KAZN: variants seen among roughly 807,000 people sequenced by gnomAD.
KAZN encodes kazrin, periplakin interacting protein, also known as kazrin.
In KAZN, 40 loss-of-function variants were observed where a neutral mutation model predicts 87.4. The observed-to-expected ratio is 0.46, with a 90% CI of 0.36 to 0.60. The LOEUF (loss-of-function observed/expected upper bound fraction) is 0.60. KAZN is among the 20% of genes least tolerant of loss of function. The pLI is 0.00. For synonymous variants in KAZN, 466 were observed against 458.3 expected (o/e 1.02, Z -0.22); for missense variants, 898 against 1,073.9 (o/e 0.84, Z 2.29).
chr1:13,971,396 G>A (rs1285004696), intron 1 of KAZN, among the ~76,000 whole-genome samples: 3 of 152,112 alleles, frequency 2.0e-5, no homozygotes, highest in Non-Finnish European at 2.9e-5. Context: ...ACAGCTCAAC[G>A]GGCATTGAAT....
intron 1 of KAZN, among the ~76,000 whole-genome samples, chr1:13,965,576 G>A (rs896011292): frequency 1.3e-5 from 2 of 152,080 alleles, no homozygotes; most frequent in African/African-American, 4.8e-5. Context: ...GTATTTATTC[G>A]CATTGCTATT....
intron 8 of KAZN, among the ~76,000 whole-genome samples, chr1:15,092,072 G>GTTTTTTTTTTTTTTT (rs1557791969): frequency 3.8e-5 from 3 of 79,872 alleles, no homozygotes; most frequent in African/African-American, 1.2e-4. Context: ...TTTTTTTTTT[G>GTTTTTTTTTTTTTTT]ATTTTTTTTT....
chr1:13,923,587 A>AG (rs747618846), intron 1 of KAZN, among the ~76,000 whole-genome samples: 3,420 of 148,570 alleles, frequency 0.023, 145 homozygotes, highest in East Asian at 0.15. Context: ...AAAAAAAAAA[A>AG]AAAAATATAA....
intron 2 of KAZN, among the ~76,000 whole-genome samples, chr1:14,202,670 A>G (rs963968894): frequency 4.6e-5 from 7 of 152,188 alleles, no homozygotes; most frequent in African/African-American, 1.4e-4. Flanking sequence ...GAAAGGAGGC[A>G]GCTAGTATTC....
At chr1:14,545,653 G>A (rs116260396) in intron 2 of KAZN, among the ~76,000 whole-genome samples, 44 of 152,176 alleles carry the variant, frequency 2.9e-4, no homozygotes, top group African/African-American at 8.0e-4. Context: ...CAAAAGAGCC[G>A]AGATCTCAGT....
intron 2 of KAZN, among the ~76,000 whole-genome samples, chr1:14,589,442 C>T (rs939139820): frequency 6.6e-6 from 1 of 152,154 alleles, no homozygotes; most frequent in Admixed American, 6.5e-5. Flanking sequence ...AACAAAATAT[C>T]TCCCTTCCAA....
intron 1 of KAZN, among the ~76,000 whole-genome samples, chr1:13,933,174 T>C (rs960991106): frequency 6.6e-5 from 10 of 152,148 alleles, no homozygotes; most frequent in Admixed American, 4.6e-4. Context: ...TTTAGGTCCC[T>C]TCATTGTATT....
intron 1 of KAZN, among the ~76,000 whole-genome samples, chr1:13,935,665 A>G (rs1411639428): frequency 1.3e-5 from 2 of 152,212 alleles, no homozygotes; most frequent in Non-Finnish European, 2.9e-5. Flanking sequence ...ACACATGTGT[A>G]GTTGCATCTT....
chr1:13,911,472 T>A (rs1639649841), intron 1 of KAZN, among the ~76,000 whole-genome samples: 1 of 152,170 alleles, frequency 6.6e-6, no homozygotes, highest in South Asian at 2.1e-4. Context: ...AGGCCCCACC[T>A]TCAGCACTGG....
chr1:14,941,626 C>A (rs1302335264), intron 1 of KAZN, among the ~76,000 whole-genome samples: 3 of 152,142 alleles, frequency 2.0e-5, no homozygotes, highest in Admixed American at 2.0e-4. Context: ...TGCAGGTGTA[C>A]ATGCAGAGAA....
At chr1:15,093,664 A>G (rs1640661935) in intron 8 of KAZN, among the ~76,000 whole-genome samples, 1 of 152,244 alleles carries the variant, frequency 6.6e-6, no homozygotes, top group South Asian at 2.1e-4. Context: ...CATTTGTGCC[A>G]GGTGAGCAGA....
At chr1:14,885,921 A>G (rs868047) in intron 1 of KAZN, among the ~76,000 whole-genome samples, 116,772 of 151,932 alleles carry the variant, frequency 0.77, 45,778 homozygotes, top group East Asian at 0.97. Flanking sequence ...CATGATGTAC[A>G]TAGCCAGGTC....
rs187656669 is a variant in KAZN at position 14,726,982 on chromosome 1, C to A, written c.226+127759C>A. ...GGTGATGCCAACACTCAGACACAGG[C>A]ACCTGGCTCCAGAAGCTGTGCCTTG... On this transcript the variant is annotated intron_variant, in intron 1 of 14. Transcript: ENST00000376030. Among the ~76,000 whole-genome samples, 1,144 of 152,324 alleles carry A rather than the reference C, an allele frequency of 7.5e-3. 12 individuals are homozygous for A. The highest frequency in any genetic ancestry group is 0.033 in the South Asian group (161 of 4,820).
At chr1:14,251,470 G>A (rs1424490852) in intron 2 of KAZN, among the ~76,000 whole-genome samples, 1 of 152,030 alleles carries the variant, frequency 6.6e-6, no homozygotes, top group Non-Finnish European at 1.5e-5. Flanking sequence ...AGGGTCAAAA[G>A]TTGCTGTCAT....
intron 2 of KAZN, among the ~76,000 whole-genome samples, chr1:14,501,969 GA>G (rs1260363559): frequency 3.9e-5 from 6 of 152,208 alleles, no homozygotes; most frequent in Non-Finnish European, 8.8e-5. Context: ...AGGGGAGAAT[GA>G]AGAGAGACTA....
In KAZN at chr1:14,867,122, T is replaced by A. The variant is rs571649511; in HGVS notation, c.227-93562T>A. Among the ~76,000 whole-genome samples the A allele has an allele frequency of 1.4e-4, 21 of 152,310 alleles. No individual in the cohort carries two copies. The East Asian group carries it at 4.1e-3, about 30-fold the overall frequency. On this transcript the variant is annotated intron_variant, in intron 1 of 14. Coordinates refer to ENST00000376030, the MANE Select transcript of KAZN (RefSeq NM_201628.3). ...TTTTTCCAGGCCTCCTCTGCTACAA[T>A]GCTTGGCCAAGGCCCAGCCAGGGCC...
chr1:14,762,594 A>G (rs1240636146), intron 1 of KAZN, among the ~76,000 whole-genome samples: 3 of 152,046 alleles, frequency 2.0e-5, no homozygotes, highest in Non-Finnish European at 4.4e-5. Flanking sequence ...TCGCGGTGGC[A>G]GGCGCCTGTA....
intron 1 of KAZN, among the ~76,000 whole-genome samples, chr1:14,089,350 A>G (rs1307513732): frequency 6.6e-6 from 1 of 152,110 alleles, no homozygotes; most frequent in Non-Finnish European, 1.5e-5. Context: ...CAATACATAT[A>G]TGATCTTCAT....
rs80262212 is a variant in KAZN, at chr1:14,179,810, A to T, written c.92-625A>T. Among the ~76,000 whole-genome samples, 1,429 of 152,330 alleles carry T rather than the reference A, an allele frequency of 9.4e-3. 22 individuals carry two copies. Among genetic ancestry groups the T allele is most frequent in the African/African-American group, 0.032 (1,326 of 41,580 alleles). On this transcript the variant is annotated intron_variant, in intron 1 of 16. Transcript: ENST00000636203. ...AAGCCTCTCTGCTGTGATCAAGTCC[A>T]TTGTAGAGAAAATAGAGAAAGAGGC...
Sources: gnomAD v4.1 joint callset for allele counts (sites outside exome capture counted in the v4.1 genomes callset) on GRCh38, gnomAD v4.1.1 for gene constraint, MANE v1.5 for transcripts, NCBI Gene and HGNC (gene_info 2026-07-23, HGNC 2026-07-21) for gene names.